Variants in GRIN3A observed in about 807,000 individuals in gnomAD.
GRIN3A encodes the protein glutamate receptor ionotropic, NMDA 3A.
GRIN3A carries 47 observed loss-of-function variants against 92.4 expected under a neutral mutation model. The observed-to-expected ratio is 0.51, with a 90% CI of 0.40 to 0.65. GRIN3A has a LOEUF of 0.65. Ranked by LOEUF, GRIN3A falls within the 30% of genes least tolerant of loss-of-function variation. The pLI is 0.00. For synonymous variants in GRIN3A, 527 were observed against 540.6 expected (o/e 0.97, Z 0.35); for missense variants, 1,324 against 1,393.1 (o/e 0.95, Z 0.79).
In GRIN3A at chr9:101,698,654, G is replaced by T. The variant is rs10117050; in HGVS notation, c.700-11454C>A. On this transcript the variant is annotated intron_variant, in intron 1 of 8. Coordinates refer to ENST00000361820, the MANE Select transcript of GRIN3A (RefSeq NM_133445.3). ...ACATATCTGAACACTGTACATTTAG[G>T]CTACACAAAGTTTATTTATTTATGT... Among the ~76,000 whole-genome samples the T allele has an allele frequency of 8.9e-3, 1,355 of 152,088 alleles. 22 individuals carry two copies. Among genetic ancestry groups the T allele is most frequent in the African/African-American group, 0.031 (1,289 of 41,466 alleles).
intron 1 of GRIN3A, among the ~76,000 whole-genome samples, chr9:101,723,254 A>T (rs960467511): frequency 6.6e-6 from 1 of 151,460 alleles, no homozygotes; most frequent in Non-Finnish European, 1.5e-5. Context: ...CGGATGTGTT[A>T]GGAGTTTCTT....
intron 5 of GRIN3A, among the ~76,000 whole-genome samples, chr9:101,622,314 G>A (rs1464296170): frequency 6.6e-6 from 1 of 152,188 alleles, no homozygotes; most frequent in Non-Finnish European, 1.5e-5. Flanking sequence ...ATAGCAGTTG[G>A]GCACCCCCAC....
chr9:101,615,141 C>T (rs1828426287), intron 5 of GRIN3A, among the ~76,000 whole-genome samples: 1 of 150,600 alleles, frequency 6.6e-6, no homozygotes, highest in Non-Finnish European at 1.5e-5. Flanking sequence ...TTTGCTCAGC[C>T]ATGTCAAAGA....
intron 1 of GRIN3A, among the ~76,000 whole-genome samples, chr9:101,708,429 C>T (rs998942783): frequency 5.3e-5 from 8 of 152,106 alleles, no homozygotes; most frequent in African/African-American, 1.9e-4. Context: ...CTTCCATTGG[C>T]ACTAGGGGAC....
intron 6 of GRIN3A, among the ~76,000 whole-genome samples, chr9:101,596,135 G>T (rs1828126462): frequency 6.6e-6 from 1 of 152,136 alleles, no homozygotes; most frequent in Admixed American, 6.5e-5. Context: ...AAAAATGTTG[G>T]CAAGTTCTGT....
At chr9:101,611,182 A>G (rs1057340378) in intron 6 of GRIN3A, among the ~76,000 whole-genome samples, 5 of 151,944 alleles carry the variant, frequency 3.3e-5, no homozygotes, top group African/African-American at 1.2e-4. Flanking sequence ...GTCTGAAATC[A>G]AGGTGTCAGC....
chr9:101,601,621 A>T (rs28628555), intron 6 of GRIN3A, among the ~76,000 whole-genome samples: 1 of 152,064 alleles, frequency 6.6e-6, no homozygotes, highest in Admixed American at 6.5e-5. Context: ...TGGCAGGGTC[A>T]TGCTCCCTTT....
At chr9:101,654,409 T>C (rs1275960727) in intron 3 of GRIN3A, among the ~76,000 whole-genome samples, 1 of 151,566 alleles carries the variant, frequency 6.6e-6, no homozygotes, top group African/African-American at 2.4e-5. Context: ...CTCTATGTTA[T>C]ATACCGTATA....
intron 1 of GRIN3A, among the ~76,000 whole-genome samples, chr9:101,733,801 A>G (rs931881383): frequency 1.3e-5 from 2 of 152,222 alleles, no homozygotes; most frequent in Non-Finnish European, 2.9e-5. Flanking sequence ...TGAAGCAGGC[A>G]AAGTTGTGGT....
At chr9:101,657,808 C>T (rs1829109783) in intron 3 of GRIN3A, among the ~76,000 whole-genome samples, 1 of 151,926 alleles carries the variant, frequency 6.6e-6, no homozygotes, top group African/African-American at 2.4e-5. Flanking sequence ...TATATTCTTG[C>T]CACAGTACTT....
chr9:101,626,400 A>G (rs922858770), intron 4 of GRIN3A, among the ~76,000 whole-genome samples: 1 of 152,204 alleles, frequency 6.6e-6, no homozygotes, highest in African/African-American at 2.4e-5. Flanking sequence ...AGTTCCTTGC[A>G]CAGGCAATGC....
intron 6 of GRIN3A, among the ~76,000 whole-genome samples, chr9:101,610,270 A>G (rs1470867339): frequency 6.6e-6 from 1 of 152,218 alleles, no homozygotes; most frequent in Non-Finnish European, 1.5e-5. Flanking sequence ...TTTCTATTAC[A>G]TGGTAGGAAA....
At chr9:101,644,236 G>A (rs145724625) in intron 3 of GRIN3A, among the ~76,000 whole-genome samples, 115 of 151,316 alleles carry the variant, frequency 7.6e-4, no homozygotes, top group African/African-American at 2.5e-3. Context: ...ATCATTTTCC[G>A]ATAATTTTCA....
rs374493742 is a variant in GRIN3A, at chr9:101,667,650, A to G, written c.2352+2410T>C. Among the ~76,000 whole-genome samples, 479 of 131,852 alleles carry G rather than the reference A, an allele frequency of 3.6e-3. 2 individuals carry two copies. The highest frequency in any genetic ancestry group is 0.011 in the African/African-American group (444 of 39,990). 86.5% of individuals were successfully genotyped at this position (131,852 alleles called of 152,430 possible). ...AAGGAATTTAGCATTAATAGGAGAGAAAAGCACTCATGTGAGTAACTACGG... is the reference window on the plus strand; with the variant it reads ...AAGGAATTTAGCATTAATAGGAGAGGAAAGCACTCATGTGAGTAACTACGG... On this transcript the variant is annotated intron_variant, in intron 3 of 8. Coordinates refer to ENST00000361820, the MANE Select transcript of GRIN3A (RefSeq NM_133445.3).
chr9:101,736,506 T>TA (rs1554725210), intron 1 of GRIN3A, among the ~76,000 whole-genome samples: 56 of 151,840 alleles, frequency 3.7e-4, no homozygotes, highest in East Asian at 9.7e-4. Flanking sequence ...TTTTTTTTTT[T>TA]AATTCTTAGA....
chr9:101,737,745 C>A lies in GRIN3A; in HGVS notation c.235G>T (p.Asp79Tyr). The A allele has an allele frequency of 1.3e-6, 2 of 1,528,100 alleles. No homozygotes were observed. Among genetic ancestry groups the A allele is most frequent in the East Asian group, 4.9e-5 (2 of 40,740 alleles). 94.7% of individuals were successfully genotyped at this position (1,528,100 alleles called of 1,614,324 possible). ...PDDSRAGAQRDEPEPGTRRSP... is the reference protein window; with the variant it reads ...PDDSRAGAQRYEPEPGTRRSP... ...CGCCTAGTCCCTGGCTCCGGCTCAT[C>A]CCTCTGGGCTCCTGCTCGGCTGTCG... Residue 79 changes from aspartate (D) to tyrosine (Y), a missense_variant, in exon 1 of 9, where the codon GAT (aspartate) becomes TAT (tyrosine). Asp to Tyr is a radical substitution (Grantham distance 160). Transcript: ENST00000361820.
Position 101,696,452 on chromosome 9 carries a change from G to T in GRIN3A, c.700-9252C>A, listed in dbSNP as rs1297438553. 3.3e-5 allele frequency among the ~76,000 whole-genome samples: 5 copies of T among 152,148 alleles called. No homozygotes were observed. The East Asian group carries it at 9.6e-4, about 29-fold the overall frequency. On this transcript the variant is annotated intron_variant, in intron 1 of 8. Coordinates refer to ENST00000361820, the MANE Select transcript of GRIN3A (RefSeq NM_133445.3). ...TTAATCTGTATATCATAAAGAGTAA[G>T]ATTATTTGCTGAATTTTAAGAACTT...
rs1829298243 is a variant in GRIN3A, at chr9:101,670,196, C to T, written c.2216G>A (p.Cys739Tyr). The change falls in exon 3 of 9, where the codon TGT becomes TAT. Residue 739 changes from cysteine to tyrosine, a missense_variant. Cys to Tyr is a radical substitution (Grantham distance 194). Coordinates refer to ENST00000361820, the MANE Select transcript of GRIN3A (RefSeq NM_133445.3). ...GTTCATTAGAAACCTTCCAGTCCAA[C>T]ATTTTGGAGGTTTGATGGCCACTGT... Reference protein sequence around the residue: ...GRTVAIKPPKCWTGRFLMNLW... With the variant: ...GRTVAIKPPKYWTGRFLMNLW... 1 of 1,613,978 alleles carries T rather than the reference C, an allele frequency of 6.2e-7. No individual in the cohort carries two copies. Among genetic ancestry groups the T allele is most frequent in the Non-Finnish European group, 8.5e-7 (1 of 1,179,916 alleles).
Position 101,670,941 on chromosome 9 carries a change from T to C in GRIN3A, c.1471A>G (p.Met491Val). The change falls in exon 3 of 9, where the codon ATG becomes GTG. Residue 491 changes from methionine (M) to valine (V), a missense_variant. Coordinates refer to ENST00000361820, the MANE Select transcript of GRIN3A (RefSeq NM_133445.3). The part of the protein sequence containing the change: ...LGSWQGGKIV[M>V]DYGIWPEQAQ... ...TGCTCTGGCCATATTCCATAGTCCATGACAATCTTTCCCCCCTGCCAGCTG... is the reference window on the plus strand; with the variant it reads ...TGCTCTGGCCATATTCCATAGTCCACGACAATCTTTCCCCCCTGCCAGCTG... The C allele has an allele frequency of 1.2e-6, 2 of 1,614,024 alleles. No homozygotes were observed. The highest frequency in any genetic ancestry group is 1.7e-6 in the Non-Finnish European group (2 of 1,179,940).
Sources: allele counts gnomAD v4.1 joint callset (sites outside exome capture counted in the v4.1 genomes callset), GRCh38; gene constraint gnomAD v4.1.1; transcripts MANE v1.5; gene names NCBI Gene and HGNC (gene_info 2026-07-23, HGNC 2026-07-21).